Variants in CNTNAP2 observed in about 807,000 individuals in gnomAD.
CNTNAP2 encodes contactin-associated protein-like 2.
Under a neutral mutation model 155.2 loss-of-function variants are expected in CNTNAP2, and 98 were observed. The ratio of observed to expected loss-of-function variants is 0.63; its 90% CI spans 0.54 to 0.75. The LOEUF (loss-of-function observed/expected upper bound fraction) is 0.75. Among genes scored for constraint, CNTNAP2 ranks in the 30% least tolerant of loss-of-function variants. The pLI, the probability that CNTNAP2 is intolerant of heterozygous loss-of-function variation, is 0.00. For missense variants in CNTNAP2, 1,727 were observed against 1,688.1 expected (o/e 1.02, Z -0.40); for synonymous variants, 651 against 631.2 (o/e 1.03, Z -0.47).
chr7:148,296,476 G>A (rs1018551304), intron 21 of CNTNAP2, among the ~76,000 whole-genome samples: 1 of 144,484 alleles, frequency 6.9e-6, no homozygotes, highest in African/African-American at 2.6e-5. Flanking sequence ...GCACCCGGGG[G>A]TGGAGTTCGC....
intron 10 of CNTNAP2, among the ~76,000 whole-genome samples, chr7:147,454,211 C>G (rs780882700): frequency 5.8e-4 from 88 of 152,126 alleles, no homozygotes; most frequent in Non-Finnish European, 9.7e-4. Flanking sequence ...AATATTTTCC[C>G]ATGCCATACA....
intron 9 of CNTNAP2, among the ~76,000 whole-genome samples, chr7:147,382,231 G>A (rs1003596053): frequency 2.5e-4 from 38 of 152,188 alleles, no homozygotes; most frequent in African/African-American, 8.9e-4. Flanking sequence ...AAAGGCTCTT[G>A]AACAGGAGCA....
chr7:146,639,418 C>T (rs1322474439), intron 1 of CNTNAP2, among the ~76,000 whole-genome samples: 6 of 152,218 alleles, frequency 3.9e-5, no homozygotes, highest in Non-Finnish European at 8.8e-5. Context: ...AGCATTATCT[C>T]ATCTCATGGA....
At chr7:148,252,659 T>C (rs373704227) in intron 20 of CNTNAP2, among the ~76,000 whole-genome samples, 1 of 152,126 alleles carries the variant, frequency 6.6e-6, no homozygotes, top group South Asian at 2.1e-4. Context: ...CCCTCAATAG[T>C]TCCTTTACCC....
intron 3 of CNTNAP2, among the ~76,000 whole-genome samples, chr7:146,968,182 CT>C (rs1407421962): frequency 2.0e-5 from 3 of 151,608 alleles, no homozygotes; most frequent in Admixed American, 2.0e-4. Context: ...GGTGGATAAG[CT>C]TTTTGATGTG....
intron 11 of CNTNAP2, among the ~76,000 whole-genome samples, chr7:147,553,944 G>A (rs536825551): frequency 2.6e-4 from 39 of 151,984 alleles, no homozygotes; most frequent in African/African-American, 8.7e-4. Flanking sequence ...CCTAGGCGAC[G>A]AGCAAAACTC....
chr7:146,436,056 A>C (rs1425751149), intron 1 of CNTNAP2, among the ~76,000 whole-genome samples: 1 of 152,322 alleles, frequency 6.6e-6, no homozygotes, highest in Non-Finnish European at 1.5e-5. Context: ...TGAGTTATTC[A>C]GCAAAAATAT....
intron 1 of CNTNAP2, among the ~76,000 whole-genome samples, chr7:146,439,128 T>G (rs974633639): frequency 1.6e-4 from 25 of 151,624 alleles, no homozygotes; most frequent in African/African-American, 5.1e-4. Flanking sequence ...ACATCTGTTC[T>G]CTTTTTTAAA....
intron 18 of CNTNAP2, 22 bp downstream of exon 18, chr7:148,172,500 G>C (rs368410979): frequency 1.2e-6 from 2 of 1,604,196 alleles, no homozygotes; most frequent in Non-Finnish European, 1.7e-6. Flanking sequence ...CCCATTTCCA[G>C]AGCCACTTTT....
intron 1 of CNTNAP2, among the ~76,000 whole-genome samples, chr7:146,656,254 C>T (rs1404216764): frequency 6.6e-6 from 1 of 152,176 alleles, no homozygotes; most frequent in East Asian, 1.9e-4. Context: ...CACACACACT[C>T]GTTCTGCATT....
intron 15 of CNTNAP2, among the ~76,000 whole-genome samples, chr7:147,997,185 T>C (rs2707553): frequency 0.64 from 98,014 of 152,168 alleles, 33,879 homozygotes; most frequent in African/African-American, 0.89. Context: ...TTGTTATAGG[T>C]AGCCCAGACA....
At chr7:148,389,459 G>A (rs1799295789) in intron 22 of CNTNAP2, among the ~76,000 whole-genome samples, 1 of 152,144 alleles carries the variant, frequency 6.6e-6, no homozygotes, top group Non-Finnish European at 1.5e-5. Context: ...TGTGGAACTG[G>A]GAGTCCATTA....
chr7:147,338,272 G>A (rs1386064221), intron 9 of CNTNAP2, among the ~76,000 whole-genome samples: 2 of 151,978 alleles, frequency 1.3e-5, no homozygotes, highest in Non-Finnish European at 2.9e-5. Context: ...AGAACAGCAT[G>A]GGATAAACCA....
At chr7:146,318,727 G>A (rs1800951088) in intron 1 of CNTNAP2, among the ~76,000 whole-genome samples, 1 of 152,028 alleles carries the variant, frequency 6.6e-6, no homozygotes, top group South Asian at 2.1e-4. Flanking sequence ...ATGGAGTAAT[G>A]GTGAAGCCGG....
In CNTNAP2 at chr7:147,332,432, G is replaced by A. The variant is rs77891810; in HGVS notation, c.1498+32142G>A. Among the ~76,000 whole-genome samples the A allele has an allele frequency of 3.9e-3, 591 of 152,112 alleles. 4 individuals are homozygous for A. Among genetic ancestry groups the A allele is most frequent in the African/African-American group, 0.011 (460 of 41,494 alleles). On this transcript the variant is annotated intron_variant, in intron 9 of 23. Coordinates refer to ENST00000361727, the MANE Select transcript of CNTNAP2 (RefSeq NM_014141.6). ...CTTTCTTCATCATTTCTAAAAATGCGGATATTTTTACTTACCACTCAGAAA... is the reference window on the plus strand; with the variant it reads ...CTTTCTTCATCATTTCTAAAAATGCAGATATTTTTACTTACCACTCAGAAA...
At chr7:146,940,558 G>C (rs1253717987) in intron 3 of CNTNAP2, among the ~76,000 whole-genome samples, 2 of 152,134 alleles carry the variant, frequency 1.3e-5, no homozygotes, top group African/African-American at 2.4e-5. Context: ...TGTGTTTGCT[G>C]TGTGTATGTA....
chr7:147,652,061 A>G (rs1297828035), intron 13 of CNTNAP2, among the ~76,000 whole-genome samples: 1 of 152,226 alleles, frequency 6.6e-6, no homozygotes, highest in African/African-American at 2.4e-5. Context: ...AGAAGCACCT[A>G]TGAATAAAAT....
chr7:146,541,685 T>C (rs62484483), intron 1 of CNTNAP2, among the ~76,000 whole-genome samples: 29,267 of 151,780 alleles, frequency 0.19, 3,714 homozygotes, highest in East Asian at 0.46. Flanking sequence ...TTGTAAAAGA[T>C]ATATATCCAG....
intron 4 of CNTNAP2, among the ~76,000 whole-genome samples, chr7:147,100,970 A>T (rs908512058): frequency 6.6e-6 from 1 of 152,212 alleles, no homozygotes; most frequent in Non-Finnish European, 1.5e-5. Context: ...AGGCTGTTTC[A>T]CACAGGCAGG....
Sources: gnomAD v4.1 joint callset for allele counts (sites outside exome capture counted in the v4.1 genomes callset) on GRCh38, gnomAD v4.1.1 for gene constraint, MANE v1.5 for transcripts, NCBI Gene and HGNC (gene_info 2026-07-23, HGNC 2026-07-21) for gene names.